USP40: variants seen among roughly 807,000 people sequenced by gnomAD.
The protein encoded by USP40 is ubiquitin carboxyl-terminal hydrolase 40.
In USP40, 143 loss-of-function variants were observed where a neutral mutation model predicts 166.2. That is an observed-to-expected ratio of 0.86 (90% CI 0.75 to 0.99). The LOEUF (loss-of-function observed/expected upper bound fraction) is 0.99, where lower values mean the gene tolerates loss of function less well. Among genes scored for constraint, USP40 ranks in the 50% least tolerant of loss-of-function variants. The pLI, the probability that USP40 is intolerant of heterozygous loss-of-function variation, is 0.00. For missense variants in USP40, 1,444 were observed against 1,479.7 expected (o/e 0.98, Z 0.40); for synonymous variants, 498 against 524.0 (o/e 0.95, Z 0.68).
At chr2:233,540,816 T>TGCAATAAC (rs758027271) in intron 9 of USP40, 47 bp from the exon 10 acceptor site, 25 of 1,441,846 alleles carry the variant, frequency 1.7e-5, no homozygotes, top group Middle Eastern at 1.8e-4. Context: ...TGAGAAATAA[T>TGCAATAAC]TGCATACTTA....
chr2:233,525,728 T>TTA (rs1224896316), intron 13 of USP40, among the ~76,000 whole-genome samples, 166 bp from the exon 14 acceptor site: 3 of 152,132 alleles, frequency 2.0e-5, no homozygotes, highest in Non-Finnish European at 4.4e-5. Context: ...GCATCACTTG[T>TTA]TAAATTAGTC....
intron 4 of USP40, among the ~76,000 whole-genome samples, chr2:233,558,001 C>CAAAAAAA (rs71058563): frequency 7.8e-5 from 4 of 51,352 alleles, no homozygotes; most frequent in African/African-American, 8.3e-5. Flanking sequence ...GACCTCATCT[C>CAAAAAAA]AAAAAAAAAA....
rs1559224354 is a variant in USP40 at position 233,494,955 on chromosome 2, TTTATATATATATATATATATATATACAC to T, written c.2791-1432_2791-1405del. Among the ~76,000 whole-genome samples the T allele has an allele frequency of 2.0e-4, 5 of 25,062 alleles. 1 individual carries two copies. Among genetic ancestry groups the T allele is most frequent in the African/African-American group, 1.4e-3 (5 of 3,634 alleles). The allele number at this position is 25,062 out of a possible 152,430, so 16.4% of individuals were successfully genotyped here. On this transcript the variant is annotated intron_variant, in intron 24 of 31. Coordinates refer to ENST00000678225, the MANE Select transcript of USP40 (RefSeq NM_001365479.2). ...ATATATATATATATATATATATATA[TTTATATATATATATATATATATATACAC>T]ACACATAAAAAATAAATAAATAAAT...
At chr2:233,479,518 G>A (rs533261795) in intron 31 of USP40, among the ~76,000 whole-genome samples, 3 of 150,934 alleles carry the variant, frequency 2.0e-5, no homozygotes, top group Admixed American at 6.6e-5. Flanking sequence ...GGTTGAGATC[G>A]TGCCACTGCA....
intron 4 of USP40, among the ~76,000 whole-genome samples, chr2:233,557,789 T>C (rs1184580748): frequency 6.6e-6 from 1 of 151,600 alleles, no homozygotes; most frequent in Non-Finnish European, 1.5e-5. Flanking sequence ...ACCAAAAAAG[T>C]AGAAAGGAAG....
Position 233,533,785 on chromosome 2 carries a change from C to T in USP40, c.1171-6G>A, listed in dbSNP as rs1286377641. The T allele has an allele frequency of 2.1e-6, 3 of 1,421,900 alleles. No individual in the cohort carries two copies. Among genetic ancestry groups the T allele is most frequent in the South Asian group, 1.4e-5 (1 of 73,244 alleles). 88.1% of individuals were successfully genotyped at this position (1,421,900 alleles called of 1,614,324 possible). A position where few individuals can be genotyped will look rare whatever the true frequency, so the allele number is the denominator to read the frequency against. Reference sequence around the variant, plus strand: ...TGAGAATGGAGCTGTAAGAACTACACAGAAACAAAAAAAAAAATGCTAAGT... The same window carrying T: ...TGAGAATGGAGCTGTAAGAACTACATAGAAACAAAAAAAAAAATGCTAAGT... On this transcript the variant is annotated splice_polypyrimidine_tract_variant and splice_region_variant and intron_variant, in intron 10 of 31. Coordinates refer to ENST00000678225, the MANE Select transcript of USP40 (RefSeq NM_001365479.2).
At chr2:233,481,131 T>C (rs2064556870) in intron 31 of USP40, 72 bp downstream of exon 31, 1 of 1,415,184 alleles carries the variant, frequency 7.1e-7, no homozygotes, top group Admixed American at 2.2e-5. Context: ...CCCTCTCAGT[T>C]TCCAAGCAGG....
intron 21 of USP40, among the ~76,000 whole-genome samples, chr2:233,503,894 C>T (rs2066242840): frequency 6.6e-6 from 1 of 152,000 alleles, no homozygotes; most frequent in Admixed American, 6.6e-5. Flanking sequence ...CGCAATGGTG[C>T]TATATAAATT....
Position 233,493,365 on chromosome 2 carries a change from G to A in USP40, c.2917+60C>T, listed in dbSNP as rs759987475. On this transcript the variant is annotated intron_variant, in intron 25 of 31. Transcript: ENST00000678225. The surrounding 1 kb of genome is among the most constrained non-coding windows in gnomAD (Gnocchi z 4.7). ...TATATCAATTGACTCTCAGAGCACAGGCAGTCAATTTACTTCTCTTTATGA... is the reference window on the plus strand; with the variant it reads ...TATATCAATTGACTCTCAGAGCACAAGCAGTCAATTTACTTCTCTTTATGA... 6.2e-6 allele frequency: 10 copies of A among 1,610,064 alleles called. 1 individual carries two copies. The South Asian group carries it at 1.1e-4, about 18-fold the overall frequency.
intron 10 of USP40, 25 bp downstream of exon 10, chr2:233,540,637 T>C: frequency 6.6e-7 from 1 of 1,515,478 alleles, no homozygotes. Context: ...GGACTAGGAC[T>C]TCCCAAAACG....
chr2:233,529,581 A>G (rs1047649566), intron 11 of USP40, 69 bp from the exon 12 acceptor site: 20 of 1,175,208 alleles, frequency 1.7e-5, no homozygotes, highest in Non-Finnish European at 2.4e-5. Context: ...AGGTAGCATG[A>G]AGACTAGGAA....
At chr2:233,529,286 A>G in intron 12 of USP40, 145 bp downstream of exon 12, 2 of 614,196 alleles carry the variant, frequency 3.3e-6, no homozygotes, top group South Asian at 2.3e-5. Flanking sequence ...CCCTCACTAT[A>G]AAAATTCAGC....
chr2:233,522,154 T>A (rs1480146453), intron 16 of USP40, among the ~76,000 whole-genome samples: 1 of 152,038 alleles, frequency 6.6e-6, no homozygotes, highest in Admixed American at 6.6e-5. Flanking sequence ...AATCTCAAGG[T>A]TGGGCAGGGG....
At chr2:233,548,356 GTTTTTA>G (rs923679824) in intron 8 of USP40, among the ~76,000 whole-genome samples, 4 of 152,126 alleles carry the variant, frequency 2.6e-5, no homozygotes, top group African/African-American at 9.7e-5. Flanking sequence ...GGGATTTATT[GTTTTTA>G]TCACATGTTC....
chr2:233,546,734 A>T (rs1475928316), intron 8 of USP40: 1 of 152,288 alleles, frequency 6.6e-6, no homozygotes, highest in Non-Finnish European at 1.5e-5. Context: ...GAAAGGCTTC[A>T]TCTTAAAGAG....
intron 3 of USP40, among the ~76,000 whole-genome samples, chr2:233,560,389 G>A (rs2071468584): frequency 6.6e-6 from 1 of 152,186 alleles, no homozygotes; most frequent in African/African-American, 2.4e-5. Context: ...ATGTGGTGAG[G>A]GCTGGGGCAG....
Position 233,476,580 on chromosome 2 carries a change from G to A in USP40, c.*812C>T, listed in dbSNP as rs1391290878. Reference sequence around the variant, plus strand: ...AACCTGGGCTATGCCAGGCCTGTCTGCCACAGCCCTGCCTGCCCCGCTTCC... The same window carrying A: ...AACCTGGGCTATGCCAGGCCTGTCTACCACAGCCCTGCCTGCCCCGCTTCC... On this transcript the variant is annotated 3_prime_UTR_variant, in exon 32 of 32. Transcript: ENST00000678225. 1.3e-5 allele frequency: 2 copies of A among 152,386 alleles called. No homozygotes were observed. Among genetic ancestry groups the A allele is most frequent in the African/African-American group, 4.8e-5 (2 of 41,466 alleles). 9.4% of individuals were successfully genotyped at this position (152,386 alleles called of 1,614,324 possible).
At chr2:233,500,982 C>T (rs1390387373) in intron 21 of USP40, among the ~76,000 whole-genome samples, 4 of 151,388 alleles carry the variant, frequency 2.6e-5, no homozygotes, top group Non-Finnish European at 5.9e-5. Flanking sequence ...TTGTTAATCC[C>T]CTAGAAGTTT....
At chr2:233,483,277 C>A (rs2064743165) in intron 30 of USP40, among the ~76,000 whole-genome samples, 1 of 152,090 alleles carries the variant, frequency 6.6e-6, no homozygotes, top group Admixed American at 6.5e-5. Context: ...ACTGCCTGAA[C>A]TCTCCTGTTC....
Sources: allele counts gnomAD v4.1 joint callset (sites outside exome capture counted in the v4.1 genomes callset), GRCh38; gene constraint gnomAD v4.1.1; non-coding constraint Gnocchi (gnomAD v3.1); transcripts MANE v1.5; gene names NCBI Gene and HGNC (gene_info 2026-07-23, HGNC 2026-07-21).